Variants in KCNK10 observed in about 807,000 individuals in gnomAD.
KCNK10 encodes the protein potassium channel subfamily K member 10.
In KCNK10, 25 loss-of-function variants were observed where a neutral mutation model predicts 47.7. The observed-to-expected ratio is 0.52, with a 90% CI of 0.38 to 0.73. KCNK10 has a LOEUF of 0.73. Among genes scored for constraint, KCNK10 ranks in the 30% least tolerant of loss-of-function variants. The probability of loss-of-function intolerance (pLI) is 0.00; values close to 1 mark genes in which losing one functional copy is unlikely to be tolerated. For synonymous variants in KCNK10, 303 were observed against 285.6 expected (o/e 1.06, Z -0.61); for missense variants, 563 against 714.5 (o/e 0.79, Z 2.42).
chr14:88,227,212 G>T (rs191412426), intron 4 of KCNK10, among the ~76,000 whole-genome samples, 163 bp downstream of exon 4: 1 of 152,186 alleles, frequency 6.6e-6, no homozygotes, highest in Non-Finnish European at 1.5e-5. Flanking sequence ...GAGTTTAGGT[G>T]CAAGATGTTT....
At chr14:88,194,894 GTGTA>G (rs1455126156) in intron 4 of KCNK10, among the ~76,000 whole-genome samples, 1 of 152,142 alleles carries the variant, frequency 6.6e-6, no homozygotes, top group Non-Finnish European at 1.5e-5. Context: ...CGTCTTGCAT[GTGTA>G]TGTGTGTGTA....
intron 1 of KCNK10, among the ~76,000 whole-genome samples, chr14:88,301,244 A>T (rs1000385633): frequency 1.3e-5 from 2 of 152,110 alleles, no homozygotes; most frequent in Non-Finnish European, 2.9e-5. Flanking sequence ...AGTAACAATA[A>T]ATGTTAGTTA....
chr14:88,204,161 G>A (rs1005173350), intron 4 of KCNK10, among the ~76,000 whole-genome samples: 1 of 152,178 alleles, frequency 6.6e-6, no homozygotes, highest in Non-Finnish European at 1.5e-5. Context: ...AGAGGTAGGA[G>A]AGAGCGAGAG....
intron 1 of KCNK10, among the ~76,000 whole-genome samples, chr14:88,304,187 T>C (rs186672948): frequency 6.6e-6 from 1 of 152,170 alleles, no homozygotes; most frequent in Admixed American, 6.5e-5. Context: ...TGGTGGCATG[T>C]TCCTGTAGTC....
rs1887168927 is a variant in KCNK10, at chr14:88,263,418, G to A, written c.186C>T (p.Gly62=). 6.2e-7 allele frequency: 1 copy of A among 1,614,014 alleles called. No homozygotes were observed. The highest frequency in any genetic ancestry group is 1.3e-5 in the African/African-American group (1 of 74,936). ...SRATVVARME[G]TSQGGLQTVM... is the part of the protein sequence containing the mutation. ...CGGTCTGCAAGCCCCCTTGGGAGGT[G>A]CCTTCCATCCTGGCTACCACTGTGG... is the stretch of plus-strand genomic sequence containing the variant. The change falls in exon 2 of 7, where the codon GGC becomes GGT. Residue 62 remains glycine, a synonymous_variant. Coordinates refer to ENST00000319231, the MANE Select transcript of KCNK10 (RefSeq NM_138317.3).
chr14:88,197,895 A>AGAGAGAGAGAG (rs1884974261), intron 4 of KCNK10, among the ~76,000 whole-genome samples: 91 of 134,030 alleles, frequency 6.8e-4, no homozygotes, highest in African/African-American at 2.4e-3. Context: ...AGAGAGAGAG[A>AGAGAGAGAGAG]AGGGGAAAAA....
At chr14:88,216,555 G>A (rs1434613016) in intron 4 of KCNK10, among the ~76,000 whole-genome samples, 2 of 152,128 alleles carry the variant, frequency 1.3e-5, no homozygotes, top group African/African-American at 2.4e-5. Context: ...TAGTATCGAG[G>A]CTGAGCAATC....
intron 4 of KCNK10, among the ~76,000 whole-genome samples, chr14:88,193,996 C>A (rs1341241221): frequency 6.6e-6 from 1 of 152,112 alleles, no homozygotes; most frequent in Non-Finnish European, 1.5e-5. Flanking sequence ...TAAAGAAATG[C>A]CATCCTTCCT....
At chr14:88,256,827 A>C (rs1490427494) in intron 2 of KCNK10, among the ~76,000 whole-genome samples, 3 of 152,128 alleles carry the variant, frequency 2.0e-5, no homozygotes, top group South Asian at 4.1e-4. Context: ...CAGCAATAAC[A>C]AGAGCTCAAA....
At chr14:88,229,318 G>A (rs1886085869) in intron 3 of KCNK10, among the ~76,000 whole-genome samples, 1 of 152,102 alleles carries the variant, frequency 6.6e-6, no homozygotes, top group Admixed American at 6.6e-5. Context: ...GCATCAGGGA[G>A]AAGTGAGGAG....
chr14:88,216,854 C>T (rs1242836919), intron 4 of KCNK10, among the ~76,000 whole-genome samples: 1 of 152,182 alleles, frequency 6.6e-6, no homozygotes, highest in Non-Finnish European at 1.5e-5. Context: ...AGGGCCTTCT[C>T]TCTGATAAAA....
intron 2 of KCNK10, among the ~76,000 whole-genome samples, chr14:88,247,398 C>A (rs1031261918): frequency 5.3e-5 from 8 of 152,054 alleles, no homozygotes; most frequent in African/African-American, 1.9e-4. Flanking sequence ...ACCTCAGAGT[C>A]CCTCATAAAA....
At chr14:88,290,731 T>C (rs1294764469) in intron 1 of KCNK10, among the ~76,000 whole-genome samples, 2 of 152,206 alleles carry the variant, frequency 1.3e-5, no homozygotes, top group South Asian at 2.1e-4. Flanking sequence ...GAAAACCTTT[T>C]GAGAAAATTC....
chr14:88,229,388 C>T (rs554520833), intron 3 of KCNK10, among the ~76,000 whole-genome samples: 1 of 152,248 alleles, frequency 6.6e-6, no homozygotes, highest in East Asian at 1.9e-4. Flanking sequence ...ACCCACTTAA[C>T]ATCTGCAAAT....
intron 6 of KCNK10, 28 bp downstream of exon 6, chr14:88,187,939 C>T (rs1296938033): frequency 3.1e-6 from 5 of 1,612,346 alleles, no homozygotes; most frequent in South Asian, 2.2e-5. Context: ...TTCTCAGGAA[C>T]ATTCATAGGG....
chr14:88,187,626 C>CACCG (rs11435414), intron 6 of KCNK10, among the ~76,000 whole-genome samples: 9 of 141,038 alleles, frequency 6.4e-5, no homozygotes, highest in Admixed American at 6.7e-5. Context: ...ACAGGCTGCA[C>CACCG]CCCCCCACAC....
intron 4 of KCNK10, among the ~76,000 whole-genome samples, chr14:88,207,920 C>A (rs1595081220): frequency 6.6e-6 from 1 of 152,200 alleles, no homozygotes; most frequent in East Asian, 1.9e-4. Context: ...GAGCTGAGAC[C>A]AGGAGGAGGG....
chr14:88,198,964 G>C (rs1885013351), intron 4 of KCNK10, among the ~76,000 whole-genome samples: 1 of 109,966 alleles, frequency 9.1e-6, no homozygotes, highest in Non-Finnish European at 2.1e-5. Context: ...TTGTCGCCCA[G>C]GCTGGAGTGC....
At chr14:88,318,210 G>A (rs1566723687) in intron 1 of KCNK10, among the ~76,000 whole-genome samples, 1 of 152,174 alleles carries the variant, frequency 6.6e-6, no homozygotes, top group Non-Finnish European at 1.5e-5. Flanking sequence ...TTATAGCTGA[G>A]AGGCGTCCTG....
Sources: allele counts gnomAD v4.1 joint callset (sites outside exome capture counted in the v4.1 genomes callset), GRCh38; gene constraint gnomAD v4.1.1; transcripts MANE v1.5; gene names NCBI Gene and HGNC (gene_info 2026-07-23, HGNC 2026-07-21).